Variants in MAP7D1 observed in about 807,000 individuals in gnomAD.
MAP7D1 encodes MAP7 domain-containing protein 1.
A neutral mutation model predicts 97.5 loss-of-function variants in MAP7D1; 30 were observed. The ratio of observed to expected loss-of-function variants is 0.31; its 90% confidence interval spans 0.23 to 0.42. The LOEUF (loss-of-function observed/expected upper bound fraction) is 0.42. Ranked by LOEUF, MAP7D1 falls within the 10% of genes least tolerant of loss-of-function variation. The pLI, the probability that MAP7D1 is intolerant of heterozygous loss-of-function variation, is 1.00. For synonymous variants in MAP7D1, 536 were observed against 477.1 expected, an observed-to-expected ratio of 1.12 and a Z score of -1.61; for missense variants, 1,184 against 1,179.5, an observed-to-expected ratio of 1.00 and a Z score of -0.06.
rs377377950 is a variant in MAP7D1 at position 36,170,048 on chromosome 1, GAAACA to G, written c.47-904_47-900del. The stretch of plus-strand genomic sequence containing the variant: ...CACTAGCAGCAAGTAGACTTGGGGG[GAAACA>G]AAACAAAACAAAACAAAAAAACCTG... On this transcript the variant is annotated intron_variant, in intron 1 of 16. Transcript: ENST00000474796. Among the ~76,000 whole-genome samples the G allele has an allele frequency of 7.0e-3, 1,065 of 152,188 alleles. 15 individuals carry two copies. Among genetic ancestry groups the G allele is most frequent in the African/African-American group, 0.023 (962 of 41,512 alleles).
In MAP7D1 at chr1:36,171,499, T is replaced by C; in HGVS notation, c.392-14T>C. On this transcript the variant is annotated splice_polypyrimidine_tract_variant and intron_variant, in intron 2 of 16. Coordinates refer to ENST00000474796, the MANE Select transcript of MAP7D1 (RefSeq NM_001388490.1). ...CAGCCTTTTGACCTGTCTGTTCTTG[T>C]TCCCTCTGCTCAGAGGTGAAGAAGG... 1 of 1,613,868 alleles carries C rather than the reference T, an allele frequency of 6.2e-7. No individual in the cohort carries two copies. The highest frequency in any genetic ancestry group is 1.1e-5 in the South Asian group (1 of 91,064).
intron 1 of MAP7D1, among the ~76,000 whole-genome samples, chr1:36,161,726 T>C (rs1368365204): frequency 6.6e-6 from 1 of 152,152 alleles, no homozygotes; most frequent in Non-Finnish European, 1.5e-5. Flanking sequence ...GGGGACATTG[T>C]GTCTCTGTGT....
chr1:36,166,272 C>T (rs1228060792), intron 1 of MAP7D1, among the ~76,000 whole-genome samples: 1 of 151,880 alleles, frequency 6.6e-6, no homozygotes, highest in African/African-American at 2.4e-5. Context: ...GAGACAAGGT[C>T]GAAGAGGTCA....
Position 36,170,953 on chromosome 1 carries a change from CTT to C in MAP7D1, c.47-17_47-16del, listed in dbSNP as rs768051713. ...ATGAGCAATCTGACCTCTCTCCTCTCTTGTGTTGGTCTTTCAGCTGTGGTCGC... is the reference window on the plus strand; with the variant it reads ...ATGAGCAATCTGACCTCTCTCCTCTCGTGTTGGTCTTTCAGCTGTGGTCGC... On this transcript the variant is annotated splice_polypyrimidine_tract_variant and intron_variant, in intron 1 of 16. Coordinates refer to ENST00000474796, the MANE Select transcript of MAP7D1 (RefSeq NM_001388490.1). 4 of 1,096,576 alleles carry C rather than the reference CTT, an allele frequency of 3.6e-6. No homozygotes were observed. Among genetic ancestry groups the C allele is most frequent in the African/African-American group, 3.1e-5 (2 of 65,224 alleles). The allele number at this position is 1,096,576 out of a possible 1,614,324, so 67.9% of individuals were successfully genotyped here. A position where few individuals can be genotyped will look rare whatever the true frequency, so the allele number is the denominator to read the frequency against.
Position 36,178,536 on chromosome 1 carries a change from A to G in MAP7D1, c.1826A>G (p.Gln609Arg), listed in dbSNP as rs1252332366. ...ATRLLAEKRRQAREQREREEQ... is the reference protein window; with the variant it reads ...ATRLLAEKRRRAREQREREEQ... ...CGGCTCTTGGCTGAGAAGCGGCGCC[A>G]GGCCCGGGAGCAGCGGGAGCGCGAG... Residue 609 changes from glutamine to arginine, a missense_variant, in exon 10 of 17, where the codon CAG becomes CGG. Gln to Arg is a conservative substitution (Grantham distance 43). Coordinates refer to ENST00000474796, the MANE Select transcript of MAP7D1 (RefSeq NM_001388490.1). The G allele has an allele frequency of 1.2e-6, 2 of 1,601,820 alleles. No homozygotes were observed. Among genetic ancestry groups the G allele is most frequent in the South Asian group, 1.1e-5 (1 of 89,742 alleles).
Position 36,176,420 on chromosome 1 carries a change from G to C in MAP7D1, c.1072G>C (p.Val358Leu). The C allele has an allele frequency of 3.3e-6, 5 of 1,529,886 alleles. No homozygotes were observed. Among genetic ancestry groups the C allele is most frequent in the Non-Finnish European group, 4.4e-6 (5 of 1,147,472 alleles). 94.8% of individuals were successfully genotyped at this position (1,529,886 alleles called of 1,614,324 possible). The change falls in exon 7 of 17, where the codon GTG (valine) becomes CTG (leucine). Residue 358 changes from valine (V) to leucine (L), a missense_variant. Coordinates refer to ENST00000474796, the MANE Select transcript of MAP7D1 (RefSeq NM_001388490.1). This position sits in a 1 kb window ranked among gnomAD's most constrained non-coding sequence, Gnocchi z 6.1. ...QPDRTHPSAA[V>L]PVCPRSASAS... is the part of the protein sequence containing the mutation. The stretch of plus-strand genomic sequence containing the variant: ...CGACCGCACTCATCCCTCTGCAGCC[G>C]TGCCGGTGTGCCCGCGCTCGGCCTC...
At chr1:36,180,125 C>T (rs756163937) in intron 16 of MAP7D1, 58 bp downstream of exon 16, 34 of 1,610,270 alleles carry the variant, frequency 2.1e-5, no homozygotes, top group Non-Finnish European at 2.9e-5. Flanking sequence ...TCCCTGTACT[C>T]CTCAGCCCTG....
In MAP7D1 at chr1:36,173,604, T is replaced by TG. The variant is rs1644578436; in HGVS notation, c.739+127dup. 16 of 646,988 alleles carry TG rather than the reference T, an allele frequency of 2.5e-5. No homozygotes were observed. In the South Asian group the frequency reaches 3.3e-4, roughly 13 times the overall value. The allele number at this position is 646,988 out of a possible 1,614,324, so 40.1% of individuals were successfully genotyped here. A position where few individuals can be genotyped will look rare whatever the true frequency, so the allele number is the denominator to read the frequency against. The stretch of plus-strand genomic sequence containing the variant: ...CAGGTGTGCCTTGCTTTATGTGACT[T>TG]GTGTCTTCTAGAATGGTCTGTAAGC... On this transcript the variant is annotated intron_variant, in intron 5 of 16. Transcript: ENST00000474796.
chr1:36,174,960 A>G lies in MAP7D1; in HGVS notation c.802A>G (p.Lys268Glu). 3 of 1,613,950 alleles carry G rather than the reference A, an allele frequency of 1.9e-6. 1 individual carries two copies. The highest frequency in any genetic ancestry group is 2.5e-6 in the Non-Finnish European group (3 of 1,179,966). Residue 268 changes from lysine (K) to glutamate (E), a missense_variant, in exon 6 of 17, where the codon AAG (lysine) becomes GAG (glutamate). Physicochemically the swap from Lys to Glu is moderately conservative, Grantham distance 56. Transcript: ENST00000474796. Reference protein sequence around the residue: ...LPKHVDSIINKRLSKSSATLW... With the variant: ...LPKHVDSIINERLSKSSATLW... ...CAAACACGTGGACTCTATAATCAAC[A>G]AGCGGCTCTCAAAGTCCTCTGCCAC... is the stretch of plus-strand genomic sequence containing the variant.
chr1:36,175,042 C>G (rs758613561), intron 6 of MAP7D1, 34 bp downstream of exon 6: 1 of 1,418,052 alleles, frequency 7.1e-7, no homozygotes, highest in South Asian at 1.2e-5. Context: ...CCCTCCAGAG[C>G]CCCTTGTAGC....
chr1:36,157,959 A>G (rs1644359964), intron 1 of MAP7D1, among the ~76,000 whole-genome samples: 1 of 152,138 alleles, frequency 6.6e-6, no homozygotes, highest in African/African-American at 2.4e-5. Context: ...GCCTGAGTCC[A>G]ACCTCAGCTT....
In MAP7D1 at chr1:36,177,893, C is replaced by T. The variant is rs1434610296; in HGVS notation, c.1400C>T (p.Pro467Leu). ...CTTAGCCCCAAATCCAAGGCCAGGC[C>T]ATCCTCTCCCTCCACATCCTGGCAC... ...SELSPKSKAR[P>L]SSPSTSWHRP... The change falls in exon 9 of 17, where the codon CCA becomes CTA. Residue 467 changes from proline (P) to leucine (L), a missense_variant. By Grantham distance (98) the Pro-to-Leu change is moderately conservative (BLOSUM62 -3). Transcript: ENST00000474796. The T allele has an allele frequency of 1.3e-5, 20 of 1,538,132 alleles. No homozygotes were observed. Among genetic ancestry groups the T allele is most frequent in the Non-Finnish European group, 1.7e-5 (19 of 1,142,726 alleles).
chr1:36,176,672 T>C lies in MAP7D1; in HGVS notation c.1234-25T>C. 1 of 1,606,386 alleles carries C rather than the reference T, an allele frequency of 6.2e-7. No homozygotes were observed. The highest frequency in any genetic ancestry group is 8.5e-7 in the Non-Finnish European group (1 of 1,177,054). The stretch of plus-strand genomic sequence containing the variant: ...CGGGCGCTGCTGACCTCTACTCTCC[T>C]CTTCCGTTCCTCCTTCCCTGCCAGG... On this transcript the variant is annotated intron_variant, in intron 7 of 16. Transcript: ENST00000474796. This position sits in a 1 kb window ranked among gnomAD's most constrained non-coding sequence, Gnocchi z 6.1.
At chr1:36,179,584 C>T (rs771962346) in intron 14 of MAP7D1, 27 bp downstream of exon 14, 24 of 1,556,174 alleles carry the variant, frequency 1.5e-5, no homozygotes, top group Middle Eastern at 1.7e-4. Flanking sequence ...TCTCGCCTCC[C>T]TTCCCTTTGC....
intron 1 of MAP7D1, among the ~76,000 whole-genome samples, chr1:36,168,860 C>G (rs909308200): frequency 6.6e-6 from 1 of 152,290 alleles, no homozygotes; most frequent in Non-Finnish European, 1.5e-5. Context: ...GCTGAATGAT[C>G]TCAAATTACC....
chr1:36,176,217 G>C lies in MAP7D1; in HGVS notation c.869G>C (p.Ser290Thr), dbSNP rs1644617459. 6.2e-7 allele frequency: 1 copy of C among 1,607,914 alleles called. No homozygotes were observed. Among genetic ancestry groups the C allele is most frequent in the Non-Finnish European group, 8.5e-7 (1 of 1,179,336 alleles). Residue 290 changes from serine to threonine, a missense_variant, in exon 7 of 17, where the codon AGC becomes ACC. Coordinates refer to ENST00000474796, the MANE Select transcript of MAP7D1 (RefSeq NM_001388490.1). The surrounding 1 kb of genome is among the most constrained non-coding windows in gnomAD (Gnocchi z 6.1). ...CCCCCAGATCGCAGCCTGCAGCTGA[G>C]CGCATGGGAGAGCAGCATCGTGGAT... ...SPSRNRSLQL[S>T]AWESSIVDRL...
chr1:36,179,061 C>A, intron 12 of MAP7D1, 36 bp downstream of exon 12: 1 of 902,582 alleles, frequency 1.1e-6, no homozygotes, highest in East Asian at 4.1e-5. Context: ...TGGGCGGGGC[C>A]TGGGCAGGGC....
At chr1:36,170,948 C>A (rs1644532469) in intron 1 of MAP7D1, 23 bp from the exon 2 acceptor site, 6 of 988,768 alleles carry the variant, frequency 6.1e-6, no homozygotes, top group Non-Finnish European at 7.9e-6. Context: ...TGACCTCTCT[C>A]CTCTCTTGTG....
At chr1:36,171,852 T>G in intron 3 of MAP7D1, 1 of 238,834 alleles carries the variant, frequency 4.2e-6, no homozygotes, top group South Asian at 4.3e-5. Context: ...GAGAACTGCT[T>G]GAACCTGGGA....
Sources: allele counts gnomAD v4.1 joint callset (sites outside exome capture counted in the v4.1 genomes callset), GRCh38; gene constraint gnomAD v4.1.1; non-coding constraint Gnocchi (gnomAD v3.1); transcripts MANE v1.5; gene names NCBI Gene and HGNC (gene_info 2026-07-23, HGNC 2026-07-21).